The following KIAA1217 variants were observed in gnomAD, a reference collection of about 807,000 sequenced individuals.
KIAA1217 encodes the protein sickle tail protein homolog.
KIAA1217 carries 88 observed loss-of-function variants against 163.9 expected under a neutral mutation model. The observed-to-expected ratio is 0.54, with a 90% confidence interval of 0.45 to 0.64. KIAA1217 has a LOEUF of 0.64. Ranked by LOEUF, KIAA1217 falls within the 30% of genes least tolerant of loss-of-function variation. KIAA1217 has a pLI of 0.00. For missense variants in KIAA1217, 2,372 were observed against 2,475.0 expected (o/e 0.96, Z 0.88); for synonymous variants, 903 against 923.1 (o/e 0.98, Z 0.39).
intron 1 of KIAA1217, among the ~76,000 whole-genome samples, chr10:23,924,841 C>T (rs1481496934): frequency 2.0e-5 from 3 of 151,776 alleles, no homozygotes; most frequent in Non-Finnish European, 4.4e-5. Flanking sequence ...CTGAAATTTG[C>T]AAATGCTATT....
chr10:23,805,996 C>CAAAAAAAAAAAAAAAAAAAAAA (rs71397917), intron 1 of KIAA1217, among the ~76,000 whole-genome samples: 17 of 30,512 alleles, frequency 5.6e-4, no homozygotes, highest in African/African-American at 1.2e-3. Flanking sequence ...AACTCCATCT[C>CAAAAAAAAAAAAAAAAAAAAAA]AAAAAAAAAA....
At position 23,928,920 on chromosome 10, in the gene KIAA1217, C is replaced by G. The variant is rs757379039; in HGVS notation, c.-320-78305C>G. Among the ~76,000 whole-genome samples, 3 of 152,278 alleles carry G rather than the reference C, an allele frequency of 2.0e-5. No homozygotes were observed. The South Asian group carries it at 6.2e-4, about 32-fold the overall frequency. On this transcript the variant is annotated intron_variant, in intron 1 of 18. Coordinates refer to the KIAA1217 transcript ENST00000376462. ...AGGCCCCTCTGTCTGAGGAGATGAC[C>G]TATAAGTTGAGGTCTGAATGACAAG...
chr10:23,789,369 C>T (rs1242046323), intron 1 of KIAA1217, among the ~76,000 whole-genome samples: 1 of 152,146 alleles, frequency 6.6e-6, no homozygotes, highest in African/African-American at 2.4e-5. Context: ...TCCTTTTTCT[C>T]TAGACATATC....
In KIAA1217 at chr10:24,546,567, G is replaced by A. The variant is rs375576754; in HGVS notation, c.*243G>A. The A allele has an allele frequency of 2.4e-6, 1 of 419,712 alleles. No homozygotes were observed. Among genetic ancestry groups the A allele is most frequent in the African/African-American group, 2.0e-5 (1 of 49,472 alleles). The allele number at this position is 419,712 out of a possible 1,614,324, so 26.0% of individuals were successfully genotyped here. A position where few individuals can be genotyped will look rare whatever the true frequency, so the allele number is the denominator to read the frequency against. On this transcript the variant is annotated 3_prime_UTR_variant, in exon 21 of 21. Transcript: ENST00000376454. Reference sequence around the variant, plus strand: ...AATACCTATAAAATGCAGTAAGCATGTGTTACAGAAAGAGGTTCTGGTGGG... The same window carrying A: ...AATACCTATAAAATGCAGTAAGCATATGTTACAGAAAGAGGTTCTGGTGGG...
At chr10:23,725,805 G>A (rs6482324) in intron 1 of KIAA1217, among the ~76,000 whole-genome samples, 3,692 of 152,206 alleles carry the variant, frequency 0.024, 167 homozygotes, top group African/African-American at 0.083. Context: ...TATAAATTGA[G>A]CACAATTGGT....
chr10:23,911,506 G>T lies in KIAA1217; in HGVS notation c.-320-95719G>T, dbSNP rs534905354. On this transcript the variant is annotated intron_variant, in intron 1 of 18. Transcript: ENST00000376462. ...CGAAGGACATGTTTTTTATGTATGT[G>T]TGTGTGTGCACACATGCATTTGTGT... Among the ~76,000 whole-genome samples, 19 of 152,294 alleles carry T rather than the reference G, an allele frequency of 1.2e-4. No homozygotes were observed. The South Asian group carries it at 3.9e-3, about 32-fold the overall frequency.
chr10:24,113,041 C>A, intron 2 of KIAA1217, among the ~76,000 whole-genome samples: 1 of 152,070 alleles, frequency 6.6e-6, no homozygotes, highest in Non-Finnish European at 1.5e-5. Flanking sequence ...CTCCAGCCTC[C>A]AGGAGGAACC....
intron 3 of KIAA1217, among the ~76,000 whole-genome samples, chr10:24,390,136 T>C (rs891627181): frequency 1.3e-5 from 2 of 152,176 alleles, no homozygotes; most frequent in African/African-American, 4.8e-5. Flanking sequence ...CCAGTTCAGT[T>C]CTCTACAACT....
At chr10:23,911,119 T>C (rs1201626935) in intron 1 of KIAA1217, among the ~76,000 whole-genome samples, 1 of 152,174 alleles carries the variant, frequency 6.6e-6, no homozygotes, top group Non-Finnish European at 1.5e-5. Flanking sequence ...GGTATCACTA[T>C]CCCAATTTTA....
At chr10:24,477,261 G>A (rs965220177) in intron 6 of KIAA1217, among the ~76,000 whole-genome samples, 25 of 152,196 alleles carry the variant, frequency 1.6e-4, no homozygotes, top group African/African-American at 5.1e-4. Flanking sequence ...CAAGCACTAT[G>A]TGAAGTGGTT....
At chr10:23,900,707 T>A (rs922709789) in intron 1 of KIAA1217, among the ~76,000 whole-genome samples, 3 of 152,174 alleles carry the variant, frequency 2.0e-5, no homozygotes, top group South Asian at 4.1e-4. Flanking sequence ...CTGGGTTACC[T>A]CTAAGGTACC....
chr10:24,080,311 A>G (rs11013885), intron 2 of KIAA1217, among the ~76,000 whole-genome samples: 4,785 of 152,168 alleles, frequency 0.031, 248 homozygotes, highest in African/African-American at 0.11. Context: ...GGTTGTTTAT[A>G]CGGCATTCCT....
At chr10:23,916,626 G>C (rs1011208496) in intron 1 of KIAA1217, among the ~76,000 whole-genome samples, 1 of 152,130 alleles carries the variant, frequency 6.6e-6, no homozygotes, top group Non-Finnish European at 1.5e-5. Context: ...GGTGATTGGA[G>C]AGTTTCTTAT....
At chr10:24,289,247 T>G (rs1590640237) in intron 2 of KIAA1217, among the ~76,000 whole-genome samples, 1 of 151,656 alleles carries the variant, frequency 6.6e-6, no homozygotes, top group Non-Finnish European at 1.5e-5. Context: ...GGCACTGGGG[T>G]GGTGACTGAT....
chr10:23,811,093 A>T, intron 1 of KIAA1217, among the ~76,000 whole-genome samples: 1 of 113,636 alleles, frequency 8.8e-6, no homozygotes, highest in South Asian at 2.4e-4. Flanking sequence ...ACACTATATT[A>T]TATATACTAT....
At chr10:24,334,840 A>C (rs531882935) in intron 2 of KIAA1217, among the ~76,000 whole-genome samples, 36 of 152,330 alleles carry the variant, frequency 2.4e-4, no homozygotes, top group African/African-American at 8.4e-4. Context: ...GGAGGCTGGA[A>C]TATCACTAAG....
rs138843192 is a variant in KIAA1217 at position 24,285,896 on chromosome 10, C to T, written c.354+65987C>T. On this transcript the variant is annotated intron_variant, in intron 2 of 20. Transcript: ENST00000376454. Reference sequence around the variant, plus strand: ...TCTTTCAGCAGTGTTTTATAGTTCCCTTACAGAGATCTTTCACCTCTTTGG... The same window carrying T: ...TCTTTCAGCAGTGTTTTATAGTTCCTTTACAGAGATCTTTCACCTCTTTGG... Among the ~76,000 whole-genome samples, 361 of 152,148 alleles carry T rather than the reference C, an allele frequency of 2.4e-3. 1 individual carries two copies. The highest frequency in any genetic ancestry group is 8.1e-3 in the African/African-American group (336 of 41,494).
At chr10:24,255,122 TG>T in intron 2 of KIAA1217, 1 of 155,876 alleles carries the variant, frequency 6.4e-6, no homozygotes, top group Non-Finnish European at 1.4e-5. Context: ...CCCAGAGTGC[TG>T]GGATTACAGG....
At chr10:24,170,180 G>A (rs1024192278) in intron 2 of KIAA1217, among the ~76,000 whole-genome samples, 4 of 152,184 alleles carry the variant, frequency 2.6e-5, no homozygotes, top group Non-Finnish European at 1.5e-5. Context: ...ATACAGCAGT[G>A]TTGAAAAGAC....
Sources: gnomAD v4.1 joint callset for allele counts (sites outside exome capture counted in the v4.1 genomes callset) on GRCh38, gnomAD v4.1.1 for gene constraint, MANE v1.5 for transcripts, NCBI Gene and HGNC (gene_info 2026-07-23, HGNC 2026-07-21) for gene names.